The following ROCK1 variants were observed in gnomAD, a reference collection of about 807,000 sequenced individuals.
The protein encoded by ROCK1 is rho-associated protein kinase 1.
A neutral mutation model predicts 196.8 loss-of-function variants in ROCK1; 36 were observed. The ratio of observed to expected loss-of-function variants is 0.18; its 90% CI spans 0.14 to 0.24. ROCK1 has a LOEUF of 0.24. Ranked by LOEUF, ROCK1 falls within the 10% of genes least tolerant of loss-of-function variation. The pLI, the probability that ROCK1 is intolerant of heterozygous loss-of-function variation, is 1.00. For synonymous variants in ROCK1, 443 were observed against 515.9 expected (o/e 0.86, Z 1.91); for missense variants, 920 against 1,562.0 (o/e 0.59, Z 6.93).
chr18:21,102,467 T>C (rs2036667300), intron 1 of ROCK1, among the ~76,000 whole-genome samples: 1 of 152,208 alleles, frequency 6.6e-6, no homozygotes, highest in Non-Finnish European at 1.5e-5. Flanking sequence ...ACCATGGTGT[T>C]CCATTGCATA....
intron 2 of ROCK1, among the ~76,000 whole-genome samples, chr18:21,057,155 A>G (rs2036251041): frequency 6.6e-6 from 1 of 152,246 alleles, no homozygotes. Context: ...AAAACCTCCA[A>G]ATAGGATGTT....
intron 10 of ROCK1, among the ~76,000 whole-genome samples, chr18:21,027,132 T>C (rs1014701810): frequency 6.6e-6 from 1 of 151,954 alleles, no homozygotes. Flanking sequence ...AGAGACGGGG[T>C]TTCACCACAT....
In ROCK1 at chr18:20,946,933, A is replaced by C. The variant is rs1399487660; in HGVS notation, c.*4451T>G. The C allele has an allele frequency of 6.6e-6, 1 of 152,222 alleles. No individual in the cohort carries two copies. Among genetic ancestry groups the C allele is most frequent in the East Asian group, 1.9e-4 (1 of 5,196 alleles). The allele number at this position is 152,222 out of a possible 1,614,324, so 9.4% of individuals were successfully genotyped here. On this transcript the variant is annotated 3_prime_UTR_variant, in exon 33 of 33. Transcript: ENST00000399799. ...AACCACTTAATTCAATTTAATAGCC[A>C]AACCATCCTACATGGTACAAGAAAC...
intron 14 of ROCK1, among the ~76,000 whole-genome samples, chr18:21,007,063 C>A (rs1238065247): frequency 5.9e-5 from 9 of 152,032 alleles, no homozygotes; most frequent in African/African-American, 2.2e-4. Flanking sequence ...TGATAGTATA[C>A]TTATAAAGCT....
intron 20 of ROCK1, among the ~76,000 whole-genome samples, chr18:20,984,130 G>A (rs1035602507): frequency 7.9e-5 from 12 of 152,144 alleles, no homozygotes; most frequent in Non-Finnish European, 1.5e-4. Context: ...GAAATGTGAT[G>A]ACTTTTGTGG....
intron 16 of ROCK1, among the ~76,000 whole-genome samples, chr18:21,005,142 T>C (rs1000500236): frequency 2.6e-5 from 4 of 152,162 alleles, no homozygotes; most frequent in Non-Finnish European, 4.4e-5. Context: ...GAATAGAAAA[T>C]AGAAAAATAT....
chr18:21,018,511 C>T (rs1004417369), intron 12 of ROCK1, among the ~76,000 whole-genome samples: 1 of 134,120 alleles, frequency 7.5e-6, no homozygotes, highest in Non-Finnish European at 1.6e-5. Context: ...GCCTGGGGGA[C>T]AAGAGTGAGA....
At chr18:20,966,490 A>G (rs2035375400) in intron 27 of ROCK1, among the ~76,000 whole-genome samples, 1 of 152,208 alleles carries the variant, frequency 6.6e-6, no homozygotes, top group African/African-American at 2.4e-5. Flanking sequence ...ATAGGGTTCT[A>G]TATGTAGCTG....
chr18:21,024,014 G>A (rs1397178589), intron 10 of ROCK1, among the ~76,000 whole-genome samples: 4 of 152,142 alleles, frequency 2.6e-5, no homozygotes, highest in Non-Finnish European at 5.9e-5. Context: ...ATGAGAGCAG[G>A]TTATGACAGG....
At chr18:20,965,417 A>G (rs1486538581) in intron 27 of ROCK1, among the ~76,000 whole-genome samples, 1 of 146,606 alleles carries the variant, frequency 6.8e-6, no homozygotes, top group Non-Finnish European at 1.5e-5. Context: ...ACATACATAC[A>G]TACATACATA....
At chr18:21,093,309 T>C (rs952627729) in intron 1 of ROCK1, among the ~76,000 whole-genome samples, 9 of 152,122 alleles carry the variant, frequency 5.9e-5, no homozygotes, top group Admixed American at 3.9e-4. Context: ...TGCAAAACCT[T>C]TGGGGCCAGG....
At chr18:21,015,526 T>C in intron 12 of ROCK1, 47 bp from the exon 13 acceptor site, 1 of 1,196,344 alleles carries the variant, frequency 8.4e-7, no homozygotes, top group Non-Finnish European at 1.2e-6. Context: ...GTATTTCTTA[T>C]TGCCCAGTGT....
intron 2 of ROCK1, among the ~76,000 whole-genome samples, chr18:21,064,732 T>G (rs945002804): frequency 1.3e-5 from 2 of 152,226 alleles, no homozygotes; most frequent in African/African-American, 4.8e-5. Context: ...TCCCTGGATA[T>G]GTATTCATAC....
intron 9 of ROCK1, among the ~76,000 whole-genome samples, chr18:21,036,769 G>T (rs2036061175): frequency 6.6e-6 from 1 of 151,884 alleles, no homozygotes; most frequent in Non-Finnish European, 1.5e-5. Flanking sequence ...AGAGCCACCT[G>T]GCCCTATTCA....
chr18:21,099,442 A>G (rs1411919405), intron 1 of ROCK1, among the ~76,000 whole-genome samples: 1 of 152,182 alleles, frequency 6.6e-6, no homozygotes, highest in Admixed American at 6.5e-5. Context: ...TATAGTTTTA[A>G]CTTTTAAACC....
At chr18:20,991,485 C>T (rs903937164) in intron 17 of ROCK1, among the ~76,000 whole-genome samples, 159 bp from the exon 18 acceptor site, 1 of 152,176 alleles carries the variant, frequency 6.6e-6, no homozygotes, top group African/African-American at 2.4e-5. Context: ...TCTTTACCCC[C>T]TCCCTTCCCA....
intron 21 of ROCK1, among the ~76,000 whole-genome samples, chr18:20,981,143 C>A (rs1424569229): frequency 1.3e-5 from 2 of 151,892 alleles, no homozygotes; most frequent in East Asian, 3.9e-4. Context: ...GCCTGTAATT[C>A]CAGCACTTTG....
intron 20 of ROCK1, among the ~76,000 whole-genome samples, chr18:20,983,819 C>G (rs577407614): frequency 6.6e-6 from 1 of 151,918 alleles, no homozygotes; most frequent in Non-Finnish European, 1.5e-5. Context: ...ATAAAATAAA[C>G]GTGGAGGAAA....
intron 18 of ROCK1, among the ~76,000 whole-genome samples, chr18:20,989,496 G>A (rs1357382589): frequency 2.0e-5 from 3 of 152,138 alleles, no homozygotes; most frequent in African/African-American, 7.2e-5. Context: ...TAGAAGTTTG[G>A]ATATTTTTTA....
Sources: allele counts gnomAD v4.1 joint callset (sites outside exome capture counted in the v4.1 genomes callset), GRCh38; gene constraint gnomAD v4.1.1; transcripts MANE v1.5; gene names NCBI Gene and HGNC (gene_info 2026-07-23, HGNC 2026-07-21).